The following ERO1B variants were observed in gnomAD, a reference collection of about 807,000 sequenced individuals.
The protein encoded by ERO1B is ERO1-like protein beta.
ERO1B carries 49 observed loss-of-function variants against 75.3 expected under a neutral mutation model. That is an observed-to-expected ratio of 0.65 (90% CI 0.52 to 0.83). The LOEUF is 0.83. Ranked by LOEUF, ERO1B falls within the 40% of genes least tolerant of loss-of-function variation. ERO1B has a pLI of 0.00. For synonymous variants in ERO1B, 191 were observed against 192.9 expected (o/e 0.99, Z 0.08); for missense variants, 512 against 560.1 (o/e 0.91, Z 0.87).
At chr1:236,270,193 G>C (rs1348290493) in intron 1 of ERO1B, among the ~76,000 whole-genome samples, 199 bp from the exon 2 acceptor site, 1 of 152,148 alleles carries the variant, frequency 6.6e-6, no homozygotes, top group Non-Finnish European at 1.5e-5. Context: ...ATACCCATTT[G>C]GAAGAACATT....
chr1:236,224,046 G>A (rs1261820120), intron 13 of ERO1B, among the ~76,000 whole-genome samples: 1 of 152,068 alleles, frequency 6.6e-6, no homozygotes, highest in Admixed American at 6.6e-5. Context: ...TAGAAATACA[G>A]TACATGTACT....
Position 236,218,372 on chromosome 1 carries a change from TA to T in ERO1B, c.*143del. The T allele has an allele frequency of 1.6e-6, 1 of 632,254 alleles. No individual in the cohort carries two copies. The highest frequency in any genetic ancestry group is 2.2e-6 in the Non-Finnish European group (1 of 454,382). The allele number at this position is 632,254 out of a possible 1,614,324, so 39.2% of individuals were successfully genotyped here. On this transcript the variant is annotated 3_prime_UTR_variant, in exon 16 of 16. Transcript: ENST00000354619. The stretch of plus-strand genomic sequence containing the variant: ...GTTGATAATAATCTATTAAGAATCA[TA>T]AATATTCAAGTGAGCATTTAAATTT...
rs142719730 is a variant in ERO1B at position 236,275,975 on chromosome 1, G to C, written c.102+5707C>G. On this transcript the variant is annotated intron_variant, in intron 1 of 15. Coordinates refer to ENST00000354619, the MANE Select transcript of ERO1B (RefSeq NM_019891.4). ...GGGACATTTAAGACAAGAGATGTCA[G>C]ATAAAGTGACACTTTAGCAGAAATC... Among the ~76,000 whole-genome samples the C allele has an allele frequency of 5.3e-3, 801 of 152,348 alleles. 7 individuals are homozygous for C. The highest frequency in any genetic ancestry group is 7.1e-3 in the Non-Finnish European group (480 of 68,040).
intron 5 of ERO1B, among the ~76,000 whole-genome samples, chr1:236,244,217 GA>G (rs1003427640): frequency 6.6e-6 from 1 of 151,898 alleles, no homozygotes; most frequent in Non-Finnish European, 1.5e-5. Flanking sequence ...AACACAAAAG[GA>G]AAAAACAAGG....
intron 6 of ERO1B, among the ~76,000 whole-genome samples, chr1:236,238,157 T>C (rs1401627976): frequency 1.3e-5 from 2 of 152,194 alleles, no homozygotes; most frequent in Non-Finnish European, 2.9e-5. Flanking sequence ...ATGGGTTGTA[T>C]ATAACTTAGA....
rs1489661332 is a variant in ERO1B, at chr1:236,216,716, A to T, written c.*1800T>A. ...AGGGAGTGGTGAAATAACACTATCA[A>T]AAAGTTCTTTACATTTAGAGTGATA... On this transcript the variant is annotated 3_prime_UTR_variant, in exon 16 of 16. Transcript: ENST00000354619. 1 of 152,122 alleles carries T rather than the reference A, an allele frequency of 6.6e-6. No individual in the cohort carries two copies. Among genetic ancestry groups the T allele is most frequent in the Non-Finnish European group, 1.5e-5 (1 of 67,966 alleles). 9.4% of individuals were successfully genotyped at this position (152,122 alleles called of 1,614,324 possible).
At chr1:236,276,409 T>G (rs1665711530) in intron 1 of ERO1B, among the ~76,000 whole-genome samples, 1 of 152,102 alleles carries the variant, frequency 6.6e-6, no homozygotes, top group Admixed American at 6.6e-5. Context: ...TGATTAGCAG[T>G]CAATGGCAGG....
chr1:236,250,722 G>A (rs895929089), intron 4 of ERO1B, among the ~76,000 whole-genome samples: 14 of 147,760 alleles, frequency 9.5e-5, no homozygotes, highest in African/African-American at 2.5e-4. Context: ...ATATACATAC[G>A]TACATATATA....
chr1:236,221,764 C>A, intron 14 of ERO1B, 160 bp downstream of exon 14: 1 of 583,886 alleles, frequency 1.7e-6, no homozygotes, highest in South Asian at 2.1e-5. Flanking sequence ...ACATGTAACA[C>A]ATATACTTTA....
chr1:236,220,790 C>T (rs540052703), intron 15 of ERO1B, 42 bp downstream of exon 15: 1 of 1,492,674 alleles, frequency 6.7e-7, no homozygotes, highest in Admixed American at 2.4e-5. Flanking sequence ...TTGTTGAAAC[C>T]CAATGGGAAA....
intron 12 of ERO1B, 123 bp downstream of exon 12, chr1:236,226,146 T>G (rs1227104402): frequency 1.1e-6 from 1 of 935,232 alleles, no homozygotes; most frequent in Non-Finnish European, 1.6e-6. Flanking sequence ...TATTGATCAC[T>G]TTCCTTTTCT....
At position 236,218,273 on chromosome 1, in the gene ERO1B, CAT is replaced by C. The variant is rs201186378; in HGVS notation, c.*241_*242del. On this transcript the variant is annotated 3_prime_UTR_variant, in exon 16 of 16. Coordinates refer to ENST00000354619, the MANE Select transcript of ERO1B (RefSeq NM_019891.4). ...AAATAGAATTTTCATTACATGAAAACATATGAAATTAAACACAAAATTAGTAT... is the reference window on the plus strand; with the variant it reads ...AAATAGAATTTTCATTACATGAAAACATGAAATTAAACACAAAATTAGTAT... The C allele has an allele frequency of 7.8e-3, 1,720 of 221,042 alleles. 9 individuals carry two copies. Among genetic ancestry groups the C allele is most frequent in the Non-Finnish European group, 0.01 (1,189 of 116,932 alleles). The allele number at this position is 221,042 out of a possible 1,614,324, so 13.7% of individuals were successfully genotyped here. A position where few individuals can be genotyped will look rare whatever the true frequency, so the allele number is the denominator to read the frequency against.
At chr1:236,247,620 C>T (rs912556693) in intron 5 of ERO1B, among the ~76,000 whole-genome samples, 3 of 152,106 alleles carry the variant, frequency 2.0e-5, no homozygotes, top group African/African-American at 7.2e-5. Flanking sequence ...CAAAACCTCC[C>T]TGTGAGTTTT....
intron 13 of ERO1B, 132 bp downstream of exon 13, chr1:236,224,938 G>A (rs1664240595): frequency 1.3e-6 from 1 of 780,240 alleles, no homozygotes; most frequent in Non-Finnish European, 2.2e-6. Context: ...TGTACCATTT[G>A]TATTAAAATC....
chr1:236,232,795 C>A, intron 9 of ERO1B, 33 bp downstream of exon 9: 2 of 1,583,670 alleles, frequency 1.3e-6, no homozygotes, highest in Non-Finnish European at 8.6e-7. Flanking sequence ...ATTTCCTCCA[C>A]ACTTGAAACA....
Position 236,231,831 on chromosome 1 carries a change from T to G in ERO1B, c.685+997A>C, listed in dbSNP as rs529985828. ...TAAGGATCATTTATCATTATATCAC[T>G]TGTGATTCAAAACACCTCAAGTGCC... On this transcript the variant is annotated intron_variant, in intron 9 of 15. Transcript: ENST00000354619. 1.2e-4 allele frequency among the ~76,000 whole-genome samples: 18 copies of G among 152,292 alleles called. No homozygotes were observed. The East Asian group carries it at 3.5e-3, about 29-fold the overall frequency.
chr1:236,253,069 TTTTA>T (rs1307950226), intron 3 of ERO1B, among the ~76,000 whole-genome samples: 2 of 151,812 alleles, frequency 1.3e-5, no homozygotes, highest in Non-Finnish European at 2.9e-5. Context: ...AGTAGCTTGT[TTTTA>T]TTTTGTTTTT....
intron 1 of ERO1B, 78 bp downstream of exon 1, chr1:236,281,604 G>GGC (rs1572077451): frequency 5.9e-5 from 63 of 1,070,238 alleles, no homozygotes; most frequent in Non-Finnish European, 7.5e-5. Flanking sequence ...GGCCCTCCCC[G>GGC]CGTCACAGCC....
chr1:236,223,333 T>C (rs1664202874), intron 13 of ERO1B, among the ~76,000 whole-genome samples: 1 of 151,970 alleles, frequency 6.6e-6, no homozygotes, highest in Non-Finnish European at 1.5e-5. Flanking sequence ...TAAGAGAAAA[T>C]TTCCTCATTT....
Sources: allele counts gnomAD v4.1 joint callset (sites outside exome capture counted in the v4.1 genomes callset), GRCh38; gene constraint gnomAD v4.1.1; transcripts MANE v1.5; gene names NCBI Gene and HGNC (gene_info 2026-07-23, HGNC 2026-07-21).